SYTL5: variants seen among roughly 807,000 people sequenced by gnomAD.
SYTL5 encodes the protein synaptotagmin like 5.
In SYTL5, 34 loss-of-function variants were observed where a neutral mutation model predicts 55.9. That is an observed-to-expected ratio of 0.61 (90% CI 0.46 to 0.81). The LOEUF (loss-of-function observed/expected upper bound fraction) is 0.81, where lower values mean the gene tolerates loss of function less well. Among genes scored for constraint, SYTL5 ranks in the 30% least tolerant of loss-of-function variants. The pLI, the probability that SYTL5 is intolerant of heterozygous loss-of-function variation, is 0.00. For missense variants in SYTL5, 637 were observed against 546.7 expected, an observed-to-expected ratio of 1.17 and a Z score of -1.65; for synonymous variants, 221 against 188.7, an observed-to-expected ratio of 1.17 and a Z score of -1.40.
chrX:37,951,743 G>A, the SYTL5 span, among the ~76,000 whole-genome samples: 2 of 111,405 alleles, frequency 1.8e-5, no homozygotes, highest in Admixed American at 9.6e-5. Flanking sequence ...GTTAGCTAGG[G>A]CCAGACCTTG....
chrX:38,110,211 C>A, intron 12 of SYTL5, 110 bp from the exon 13 acceptor site: 2 of 478,689 alleles, frequency 4.2e-6, no homozygotes, highest in Non-Finnish European at 6.5e-6. Context: ...TTGTTTTGTT[C>A]ATATTACTGA....
Position 38,064,413 on chromosome X carries a change from A to T in SYTL5, c.330-7634A>T, listed in dbSNP as rs746650854. On this transcript the variant is annotated intron_variant, in intron 3 of 16. Transcript: ENST00000297875. ...AAAGGAATATCTCCCTATAGTTTCA[A>T]TTTGCATTTTACTGCTTAAGTATGA... is the stretch of plus-strand genomic sequence containing the variant. Among the ~76,000 whole-genome samples the T allele has an allele frequency of 4.5e-5, 5 of 111,297 alleles. No homozygotes were observed. In the East Asian group the frequency reaches 1.4e-3, roughly 31 times the overall value.
At chrX:38,073,546 G>A (rs1936318221) in intron 4 of SYTL5, 44 bp from the exon 5 acceptor site, 1 of 975,196 alleles carries the variant, frequency 1.0e-6, no homozygotes, top group East Asian at 3.3e-5. Context: ...CTCATTTCTG[G>A]CCATTTTGTA....
chrX:37,916,374 C>G, the SYTL5 span, among the ~76,000 whole-genome samples: 2 of 112,613 alleles, frequency 1.8e-5, no homozygotes, highest in African/African-American at 6.5e-5. Flanking sequence ...GAAAAAGAAG[C>G]ATTTTCCTGA....
chrX:38,092,643 A>G (rs138079495), intron 7 of SYTL5, among the ~76,000 whole-genome samples: 1,125 of 111,058 alleles, frequency 0.01, 8 homozygotes, highest in Non-Finnish European at 0.015. Flanking sequence ...CCCACTCCAC[A>G]CTGAGAGTAG....
chrX:38,089,335 C>A, intron 6 of SYTL5, 111 bp from the exon 7 acceptor site: 1 of 869,549 alleles, frequency 1.2e-6, no homozygotes, highest in Non-Finnish European at 1.6e-6. Context: ...CTCTTGTGAA[C>A]TCAGTGCGGT....
chrX:38,062,432 G>A (rs1935979038), intron 3 of SYTL5, among the ~76,000 whole-genome samples: 1 of 111,864 alleles, frequency 8.9e-6, no homozygotes. Context: ...AATGATTACT[G>A]CAATGGATAA....
chrX:38,012,378 C>A (rs190677575), intron 1 of SYTL5, among the ~76,000 whole-genome samples: 1 of 111,560 alleles, frequency 9.0e-6, no homozygotes, highest in East Asian at 2.8e-4. Context: ...TTTAAACAAC[C>A]ATTTAACATT....
intron 7 of SYTL5, 96 bp downstream of exon 7, chrX:38,089,683 T>G: frequency 1.1e-6 from 1 of 950,813 alleles, no homozygotes; most frequent in Non-Finnish European, 1.4e-6. Flanking sequence ...AAAAGAGATT[T>G]AATTGACTCA....
intron 15 of SYTL5, 51 bp from the exon 16 acceptor site, chrX:38,125,247 C>A (rs1244179635): frequency 7.4e-6 from 8 of 1,084,679 alleles, no homozygotes; most frequent in Admixed American, 6.8e-5. Flanking sequence ...TACACGCTGA[C>A]ATTTTCTGTC....
chrX:38,103,331 C>T (rs1424662165), intron 10 of SYTL5, among the ~76,000 whole-genome samples: 1 of 112,036 alleles, frequency 8.9e-6, no homozygotes, highest in Non-Finnish European at 1.9e-5. Flanking sequence ...TAACTATCAA[C>T]AAAACCTTTG....
chrX:37,983,057 A>G, the SYTL5 span, among the ~76,000 whole-genome samples: 2 of 111,708 alleles, frequency 1.8e-5, no homozygotes, highest in Non-Finnish European at 3.8e-5. Flanking sequence ...GTGAAAAAAT[A>G]AAGAAAATTC....
intron 6 of SYTL5, among the ~76,000 whole-genome samples, chrX:38,083,779 T>C (rs1357487220): frequency 1.9e-5 from 1 of 51,466 alleles, no homozygotes; most frequent in Non-Finnish European, 4.1e-5. Flanking sequence ...GACTCATGTG[T>C]GTGTGTGTGT....
intron 1 of SYTL5, among the ~76,000 whole-genome samples, chrX:38,008,551 GGGAGGAGCTCCTAGA>G (rs1934070109): frequency 9.0e-6 from 1 of 111,726 alleles, no homozygotes; most frequent in East Asian, 2.8e-4. Flanking sequence ...ATCTAAAATA[GGGAGGAGCTCCTAGA>G]GGAACAAAAT....
At chrX:37,963,680 G>A in the SYTL5 span, among the ~76,000 whole-genome samples, 1 of 111,863 alleles carries the variant, frequency 8.9e-6, no homozygotes, top group Non-Finnish European at 1.9e-5. Flanking sequence ...CATGTTACCT[G>A]CAAAGAGATT....
Position 38,078,116 on chromosome X carries a change from A to G in SYTL5, c.689+1415A>G, listed in dbSNP as rs932653796. Among the ~76,000 whole-genome samples, 4 of 112,126 alleles carry G rather than the reference A, an allele frequency of 3.6e-5. No individual in the cohort carries two copies. In the Admixed American group the frequency reaches 3.8e-4, roughly 11 times the overall value. ...GAGATAGTAGTGGTCAAAATTATTT[A>G]GAGACAGTAAGCAACTAATTTGGTG... On this transcript the variant is annotated intron_variant, in intron 6 of 16. Coordinates refer to ENST00000297875, the MANE Select transcript of SYTL5 (RefSeq NM_138780.3).
chrX:37,978,622 T>G, the SYTL5 span, among the ~76,000 whole-genome samples: 3 of 112,059 alleles, frequency 2.7e-5, no homozygotes, highest in Non-Finnish European at 5.6e-5. Context: ...AATTCATGTT[T>G]TATATAAACA....
the SYTL5 span, among the ~76,000 whole-genome samples, chrX:37,891,656 C>CACAT: frequency 9.0e-6 from 1 of 111,318 alleles, no homozygotes. Flanking sequence ...CTGATATACA[C>CACAT]ACATACATAC....
intron 12 of SYTL5, among the ~76,000 whole-genome samples, chrX:38,110,104 A>G (rs1195560650): frequency 8.9e-6 from 1 of 112,149 alleles, no homozygotes; most frequent in Non-Finnish European, 1.9e-5. Flanking sequence ...TAATTTGTTT[A>G]TATATCTTTC....
Sources: allele counts gnomAD v4.1 joint callset (sites outside exome capture counted in the v4.1 genomes callset), GRCh38; gene constraint gnomAD v4.1.1; transcripts MANE v1.5; gene names NCBI Gene and HGNC (gene_info 2026-07-23, HGNC 2026-07-21).